The following PKP1 variants were observed in gnomAD, a reference collection of about 807,000 sequenced individuals.
The protein encoded by PKP1 is plakophilin-1.
In PKP1, 27 loss-of-function variants were observed where a neutral mutation model predicts 76.4. The ratio of observed to expected loss-of-function variants is 0.35; its 90% CI spans 0.26 to 0.49. PKP1 has a LOEUF of 0.49. Among genes scored for constraint, PKP1 ranks in the 20% least tolerant of loss-of-function variants. The pLI, the probability that PKP1 is intolerant of heterozygous loss-of-function variation, is 0.99. For synonymous variants in PKP1, 404 were observed against 384.2 expected, an observed-to-expected ratio of 1.05 and a Z score of -0.60; for missense variants, 964 against 955.2, an observed-to-expected ratio of 1.01 and a Z score of -0.12.
chr1:201,315,657 G>A (rs546030179), intron 3 of PKP1, among the ~76,000 whole-genome samples: 4 of 152,162 alleles, frequency 2.6e-5, no homozygotes, highest in Non-Finnish European at 4.4e-5. Context: ...TAGTGGAGCC[G>A]GGTTATTAGG....
At chr1:201,316,355 G>C (rs1020180541) in intron 3 of PKP1, 198 bp from the exon 4 acceptor site, 54 of 600,280 alleles carry the variant, frequency 9.0e-5, no homozygotes, top group African/African-American at 8.3e-4. Flanking sequence ...GGCAAATCCA[G>C]TGGGTGTAGC....
intron 2 of PKP1, among the ~76,000 whole-genome samples, chr1:201,310,001 C>T (rs1253680062): frequency 6.6e-6 from 1 of 152,242 alleles, no homozygotes; most frequent in Non-Finnish European, 1.5e-5. Flanking sequence ...TAGACCCATT[C>T]TATGTCTGTG....
chr1:201,316,454 T>G, intron 3 of PKP1, 99 bp from the exon 4 acceptor site: 12 of 1,309,016 alleles, frequency 9.2e-6, no homozygotes, highest in Non-Finnish European at 1.3e-5. Context: ...AGAGGGCAGA[T>G]GAGGCTGTGG....
At chr1:201,291,025 T>G (rs1655900832) in intron 1 of PKP1, among the ~76,000 whole-genome samples, 1 of 152,082 alleles carries the variant, frequency 6.6e-6, no homozygotes, top group Non-Finnish European at 1.5e-5. Context: ...AGAGGGAAAA[T>G]CACTTTTGTT....
At chr1:201,327,925 A>G (rs1417459569) in intron 12 of PKP1, among the ~76,000 whole-genome samples, 1 of 152,214 alleles carries the variant, frequency 6.6e-6, no homozygotes, top group Non-Finnish European at 1.5e-5. Flanking sequence ...CATGCTCGAC[A>G]GGAATGAGCA....
intron 9 of PKP1, 76 bp downstream of exon 9, chr1:201,323,265 C>T: frequency 2.9e-6 from 4 of 1,402,946 alleles, no homozygotes; most frequent in South Asian, 2.3e-5. Flanking sequence ...CCCTCCTTTT[C>T]CCCCCAGCCT....
At chr1:201,293,847 C>A in intron 1 of PKP1, 95 bp from the exon 2 acceptor site, 2 of 801,474 alleles carry the variant, frequency 2.5e-6, no homozygotes, top group Non-Finnish European at 4.3e-6. Flanking sequence ...CCTCCATGGG[C>A]ATAGTGGACC....
chr1:201,304,967 G>A (rs1214111961), intron 2 of PKP1, among the ~76,000 whole-genome samples: 3 of 152,200 alleles, frequency 2.0e-5, no homozygotes, highest in African/African-American at 7.2e-5. Context: ...TGATGAACGG[G>A]GAAGCCCTCT....
intron 2 of PKP1, among the ~76,000 whole-genome samples, chr1:201,304,407 A>C (rs1346848016): frequency 6.6e-6 from 1 of 152,102 alleles, no homozygotes. Flanking sequence ...CCCATCACTC[A>C]CTGCACCTTC....
chr1:201,316,755 C>T (rs1425468297), intron 4 of PKP1, 58 bp downstream of exon 4: 4 of 1,592,536 alleles, frequency 2.5e-6, no homozygotes, highest in African/African-American at 2.7e-5. Flanking sequence ...GGTGTGTCAG[C>T]CTGACTCCGC....
At chr1:201,324,745 C>T (rs1657057847) in intron 10 of PKP1, among the ~76,000 whole-genome samples, 164 bp downstream of exon 10, 2 of 152,208 alleles carry the variant, frequency 1.3e-5, no homozygotes, top group Non-Finnish European at 2.9e-5. Context: ...AGCCTGTCAC[C>T]TGAGGGCTGG....
At chr1:201,312,351 G>A (rs1309106482) in intron 2 of PKP1, among the ~76,000 whole-genome samples, 1 of 152,338 alleles carries the variant, frequency 6.6e-6, no homozygotes, top group East Asian at 1.9e-4. Context: ...AAGGCTGGCT[G>A]TGTGAGAAGC....
chr1:201,308,072 C>A (rs1313825422), intron 2 of PKP1, among the ~76,000 whole-genome samples: 1 of 152,238 alleles, frequency 6.6e-6, no homozygotes, highest in Admixed American at 6.5e-5. Context: ...AGGAGTCCAG[C>A]AGCTTCTGTC....
intron 2 of PKP1, among the ~76,000 whole-genome samples, chr1:201,310,732 A>G (rs987068745): frequency 2.6e-5 from 4 of 152,216 alleles, no homozygotes; most frequent in African/African-American, 9.6e-5. Flanking sequence ...ACAGCCCACC[A>G]GCACCATGAC....
At chr1:201,328,892 G>A in intron 13 of PKP1, 24 bp downstream of exon 13, 2 of 1,409,312 alleles carry the variant, frequency 1.4e-6, no homozygotes, top group Non-Finnish European at 2.0e-6. Flanking sequence ...CACCCTCAGG[G>A]ATGCCTCTGG....
rs947374 is a variant in PKP1, at chr1:201,330,135, A to G, written c.*94A>G. 143,858 of 152,192 alleles carry G rather than the reference A, an allele frequency of 0.95. 68,460 individuals are homozygous for G. Among genetic ancestry groups the G allele is most frequent in the Non-Finnish European group, 1 (67,882 of 68,038 alleles). The allele number at this position is 152,192 out of a possible 1,614,324, so 9.4% of individuals were successfully genotyped here. On this transcript the variant is annotated 3_prime_UTR_variant, in exon 14 of 14. Coordinates refer to ENST00000367324, the MANE Select transcript of PKP1 (RefSeq NM_001005337.3). ...CTGGATGGGGTTTTCTGTCCATCCT[A>G]TGCAGTATTTGGGAAAGTTCACAAG...
intron 2 of PKP1, among the ~76,000 whole-genome samples, chr1:201,310,742 C>A (rs561865934): frequency 1.2e-4 from 18 of 152,322 alleles, no homozygotes; most frequent in African/African-American, 4.1e-4. Context: ...AGCACCATGA[C>A]ACTAGGAGCT....
intron 3 of PKP1, among the ~76,000 whole-genome samples, 167 bp downstream of exon 3, chr1:201,313,727 C>A (rs1270146455): frequency 6.6e-6 from 1 of 152,248 alleles, no homozygotes; most frequent in Non-Finnish European, 1.5e-5. Flanking sequence ...TGGGGAGAAC[C>A]TGGCCCCATG....
intron 5 of PKP1, among the ~76,000 whole-genome samples, chr1:201,318,359 A>G (rs1656832020): frequency 6.6e-6 from 1 of 152,192 alleles, no homozygotes; most frequent in Admixed American, 6.5e-5. Flanking sequence ...ACGTTTTTTG[A>G]TCACTTTCCA....
Sources: gnomAD v4.1 joint callset for allele counts (sites outside exome capture counted in the v4.1 genomes callset) on GRCh38, gnomAD v4.1.1 for gene constraint, MANE v1.5 for transcripts, NCBI Gene and HGNC (gene_info 2026-07-23, HGNC 2026-07-21) for gene names.